The following AGMO variants were observed in gnomAD, a reference collection of about 807,000 sequenced individuals.
AGMO encodes the protein alkylglycerol monooxygenase.
A neutral mutation model predicts 60.2 loss-of-function variants in AGMO; 75 were observed. That is an observed-to-expected ratio of 1.25 (90% CI 1.03 to 1.51). AGMO has a LOEUF of 1.51. Ranked by LOEUF, AGMO falls within the 40% of genes most tolerant of loss-of-function variation. AGMO has a pLI of 0.00. For synonymous variants in AGMO, 261 were observed against 177.1 expected, an observed-to-expected ratio of 1.47 and a Z score of -3.76; for missense variants, 763 against 525.5, an observed-to-expected ratio of 1.45 and a Z score of -4.42.
chr7:15,396,598 T>C (rs1020946439), intron 5 of AGMO: 4 of 152,360 alleles, frequency 2.6e-5, no homozygotes, highest in South Asian at 2.1e-4. Context: ...GATCGCCAGC[T>C]TTTATTCCCT....
the AGMO span, among the ~76,000 whole-genome samples, chr7:15,150,236 A>G: frequency 9.9e-5 from 15 of 152,128 alleles, no homozygotes; most frequent in Non-Finnish European, 2.1e-4. Flanking sequence ...GTACAGAGTC[A>G]TATCATCTGT....
Position 15,342,172 on chromosome 7 carries a change from T to TAAAAAAAAAAAAAAAAAAAAAAAA in AGMO, c.1263+23318_1263+23341dup, listed in dbSNP as rs775057626. ...AGCTGAGAGTAGATACCCACAGAGT[T>TAAAAAAAAAAAAAAAAAAAAAAAA]AAAAAAAAAAAAAAAAAAAAAAAAG... On this transcript the variant is annotated intron_variant, in intron 12 of 12. Transcript: ENST00000342526. Among the ~76,000 whole-genome samples, 6 of 54,304 alleles carry TAAAAAAAAAAAAAAAAAAAAAAAA rather than the reference T, an allele frequency of 1.1e-4. 1 individual carries two copies. Among genetic ancestry groups the TAAAAAAAAAAAAAAAAAAAAAAAA allele is most frequent in the African/African-American group, 3.7e-4 (4 of 10,746 alleles). The allele number at this position is 54,304 out of a possible 152,430, so 35.6% of individuals were successfully genotyped here. A position where few individuals can be genotyped will look rare whatever the true frequency, so the allele number is the denominator to read the frequency against.
chr7:15,241,913 G>A (rs534454345), intron 12 of AGMO, among the ~76,000 whole-genome samples: 15 of 152,186 alleles, frequency 9.9e-5, no homozygotes, highest in African/African-American at 1.9e-4. Context: ...TTGAGGTTAC[G>A]ACTGAGTTTC....
intron 12 of AGMO, among the ~76,000 whole-genome samples, chr7:15,335,725 T>G (rs1221442901): frequency 2.6e-5 from 4 of 152,184 alleles, no homozygotes; most frequent in African/African-American, 9.7e-5. Context: ...CATGTGTAGA[T>G]AAATATATTT....
chr7:15,166,364 G>A, the AGMO span, among the ~76,000 whole-genome samples: 8,232 of 152,198 alleles, frequency 0.054, 716 homozygotes, highest in African/African-American at 0.18. Flanking sequence ...AGCTGGGTGT[G>A]TGGTATATTC....
At chr7:15,301,967 G>A (rs977060039) in intron 12 of AGMO, among the ~76,000 whole-genome samples, 3 of 152,226 alleles carry the variant, frequency 2.0e-5, no homozygotes, top group African/African-American at 2.4e-5. Flanking sequence ...AGTATCAGAG[G>A]AGAATAAGTA....
chr7:15,469,614 G>C (rs1782391761), intron 3 of AGMO, among the ~76,000 whole-genome samples: 1 of 152,124 alleles, frequency 6.6e-6, no homozygotes, highest in Non-Finnish European at 1.5e-5. Flanking sequence ...GGGCATTCAA[G>C]ACCATCTTAG....
the AGMO span, among the ~76,000 whole-genome samples, chr7:15,163,861 C>T: frequency 1.3e-5 from 2 of 151,938 alleles, no homozygotes; most frequent in African/African-American, 4.8e-5. Context: ...GGAGAAATCC[C>T]TCCTCTTTGA....
chr7:15,311,113 C>G (rs1780757911), intron 12 of AGMO, among the ~76,000 whole-genome samples: 1 of 151,988 alleles, frequency 6.6e-6, no homozygotes, highest in Admixed American at 6.6e-5. Context: ...ATTTGGGGGA[C>G]CGTTATTCTG....
chr7:15,227,264 A>G (rs1782112710), intron 12 of AGMO, among the ~76,000 whole-genome samples: 1 of 152,026 alleles, frequency 6.6e-6, no homozygotes, highest in African/African-American at 2.4e-5. Context: ...AGCAAACTTC[A>G]GCCAATCACA....
At chr7:15,153,355 A>T in the AGMO span, among the ~76,000 whole-genome samples, 2 of 152,046 alleles carry the variant, frequency 1.3e-5, no homozygotes, top group African/African-American at 4.8e-5. Flanking sequence ...ATTAAGTTCC[A>T]TATATTTATC....
chr7:15,211,374 TTC>T (rs1781583594), intron 12 of AGMO, among the ~76,000 whole-genome samples: 1 of 152,028 alleles, frequency 6.6e-6, no homozygotes, highest in African/African-American at 2.4e-5. Flanking sequence ...AGTCAACTCT[TTC>T]TCGTTGGTGG....
chr7:15,134,399 C>A, the AGMO span, among the ~76,000 whole-genome samples: 256 of 152,156 alleles, frequency 1.7e-3, 1 homozygote, highest in East Asian at 1.2e-3. Context: ...GTCTCAAACT[C>A]CTGAGCGTAT....
chr7:15,241,679 TC>T (rs1782595070), intron 12 of AGMO, among the ~76,000 whole-genome samples: 3 of 151,822 alleles, frequency 2.0e-5, no homozygotes, highest in Admixed American at 2.0e-4. Flanking sequence ...ACTGTGAGTT[TC>T]CCCAAAACCA....
At chr7:15,198,650 T>TAAAAA (rs1216788769), downstream of AGMO, among the ~76,000 whole-genome samples, 1 of 152,062 alleles carries the variant, frequency 6.6e-6, no homozygotes, top group South Asian at 2.1e-4. Flanking sequence ...TAAGGATAAT[T>TAAAAA]TGGTGGGTAG....
rs151318226 is a variant in AGMO, at chr7:15,263,395, G to A, written c.1264-62036C>T. 4.7e-3 allele frequency among the ~76,000 whole-genome samples: 455 copies of A among 96,450 alleles called. 3 individuals carry two copies. The highest frequency in any genetic ancestry group is 8.9e-3 in the Admixed American group (70 of 7,898). The allele number at this position is 96,450 out of a possible 152,430, so 63.3% of individuals were successfully genotyped here. A position where few individuals can be genotyped will look rare whatever the true frequency, so the allele number is the denominator to read the frequency against. Reference sequence around the variant, plus strand: ...CACAATGCGATAACACCTCACTCCTGCAAGAATGGGCATAATAAAAAAAAT... The same window carrying A: ...CACAATGCGATAACACCTCACTCCTACAAGAATGGGCATAATAAAAAAAAT... On this transcript the variant is annotated intron_variant, in intron 12 of 12. Transcript: ENST00000342526.
At chr7:15,167,122 A>T in the AGMO span, among the ~76,000 whole-genome samples, 1 of 152,344 alleles carries the variant, frequency 6.6e-6, no homozygotes, top group Non-Finnish European at 1.5e-5. Flanking sequence ...AATCATGAAA[A>T]TTTATAGCAA....
downstream of AGMO, among the ~76,000 whole-genome samples, chr7:15,198,521 C>A (rs1430574443): frequency 6.6e-6 from 1 of 152,118 alleles, no homozygotes; most frequent in Non-Finnish European, 1.5e-5. Flanking sequence ...GCCGATTTAT[C>A]AAGACAGGGA....
intron 12 of AGMO, among the ~76,000 whole-genome samples, chr7:15,281,824 A>G (rs1783974789): frequency 6.6e-6 from 1 of 152,204 alleles, no homozygotes; most frequent in Non-Finnish European, 1.5e-5. Flanking sequence ...GTACACCACA[A>G]GAGAATGAGA....
Sources: allele counts gnomAD v4.1 joint callset (sites outside exome capture counted in the v4.1 genomes callset), GRCh38; gene constraint gnomAD v4.1.1; transcripts MANE v1.5; gene names NCBI Gene and HGNC (gene_info 2026-07-23, HGNC 2026-07-21).